PLBD2: variants seen among roughly 807,000 people sequenced by gnomAD.
PLBD2 encodes the protein phospholipase B domain containing 2, also known as putative aminopeptidase PLBD2.
PLBD2 carries 51 observed loss-of-function variants against 68.3 expected under a neutral mutation model. The observed-to-expected ratio is 0.75, with a 90% CI of 0.60 to 0.94. PLBD2 has a LOEUF of 0.94. Among genes scored for constraint, PLBD2 ranks in the 40% least tolerant of loss-of-function variants. PLBD2 has a pLI of 0.00. For missense variants in PLBD2, 729 were observed against 792.2 expected (o/e 0.92, Z 0.96); for synonymous variants, 314 against 339.3 (o/e 0.93, Z 0.82).
rs1290341457 is a variant in PLBD2 at position 113,390,643 on chromosome 12, T to A, written c.*2017T>A. 1 of 151,102 alleles carries A rather than the reference T, an allele frequency of 6.6e-6. No homozygotes were observed. The highest frequency in any genetic ancestry group is 1.5e-5 in the Non-Finnish European group (1 of 67,852). 9.4% of individuals were successfully genotyped at this position (151,102 alleles called of 1,614,324 possible). ...TTATCCACCCATCCAACTATTTCCA[T>A]CTGTTCATTTTCCACCCATTTACCC... is the stretch of plus-strand genomic sequence containing the variant. On this transcript the variant is annotated 3_prime_UTR_variant, in exon 12 of 12. Coordinates refer to ENST00000280800, the MANE Select transcript of PLBD2 (RefSeq NM_173542.4).
intron 1 of PLBD2, among the ~76,000 whole-genome samples, chr12:113,367,988 A>G (rs1957356423): frequency 6.6e-6 from 1 of 151,938 alleles, no homozygotes. Flanking sequence ...AGGCTGAGGC[A>G]GGAGAATCAC....
rs1450537512 is a variant in PLBD2 at position 113,384,791 on chromosome 12, G to A, written c.1119-60G>A. ...CTAGCTGAGTGGGACACTGCAGGGT[G>A]GGGAAAGCTGGGGAGGTGGCTCCAG... On this transcript the variant is annotated intron_variant, in intron 7 of 11. Coordinates refer to ENST00000280800, the MANE Select transcript of PLBD2 (RefSeq NM_173542.4). The surrounding 1 kb of genome is among the most constrained non-coding windows in gnomAD (Gnocchi z 4.2). 12 of 1,421,530 alleles carry A rather than the reference G, an allele frequency of 8.4e-6. No individual in the cohort carries two copies. The East Asian group carries it at 2.8e-4, about 33-fold the overall frequency. 88.1% of individuals were successfully genotyped at this position (1,421,530 alleles called of 1,614,324 possible). A position where few individuals can be genotyped will look rare whatever the true frequency, so the allele number is the denominator to read the frequency against.
intron 1 of PLBD2, among the ~76,000 whole-genome samples, chr12:113,364,930 A>G (rs1957329207): frequency 6.6e-6 from 1 of 152,166 alleles, no homozygotes; most frequent in Non-Finnish European, 1.5e-5. Context: ...ACAACCAGTA[A>G]GGGATCTACC....
intron 1 of PLBD2, among the ~76,000 whole-genome samples, chr12:113,366,029 C>T (rs1303613701): frequency 6.6e-6 from 1 of 152,174 alleles, no homozygotes; most frequent in Admixed American, 6.5e-5. Flanking sequence ...AGATGAACAT[C>T]ATTCATCCTT....
At chr12:113,378,202 G>C (rs1270026335) in intron 5 of PLBD2, among the ~76,000 whole-genome samples, 1 of 151,902 alleles carries the variant, frequency 6.6e-6, no homozygotes, top group African/African-American at 2.4e-5. Context: ...TGAGGCCCCA[G>C]AATTGCTTGA....
rs71467904 is a variant in PLBD2 at position 113,389,810 on chromosome 12, G to A, written c.*1184G>A. On this transcript the variant is annotated 3_prime_UTR_variant, in exon 12 of 12. Transcript: ENST00000280800. ...CAACCTCTGCTTCCTGGGTTCAAGC[G>A]ATTCTCCTGCCTTAGCTTCCCAAGT... 4,111 of 152,086 alleles carry A rather than the reference G, an allele frequency of 0.027. 87 individuals carry two copies. Among genetic ancestry groups the A allele is most frequent in the East Asian group, 0.088 (456 of 5,156 alleles). The allele number at this position is 152,086 out of a possible 1,614,324, so 9.4% of individuals were successfully genotyped here. A position where few individuals can be genotyped will look rare whatever the true frequency, so the allele number is the denominator to read the frequency against.
In PLBD2 at chr12:113,368,426, T is replaced by C. The variant is rs143753459; in HGVS notation, c.291-690T>C. On this transcript the variant is annotated intron_variant, in intron 1 of 11. Transcript: ENST00000280800. Reference sequence around the variant, plus strand: ...TGTGCTTGTGTGGCTCTCATATCCCTGGGACCAGTGGGCTGGCCGGGGCTT... The same window carrying C: ...TGTGCTTGTGTGGCTCTCATATCCCCGGGACCAGTGGGCTGGCCGGGGCTT... Among the ~76,000 whole-genome samples the C allele has an allele frequency of 1.0e-3, 154 of 152,308 alleles. 1 individual carries two copies. The highest frequency in any genetic ancestry group is 3.3e-3 in the African/African-American group (139 of 41,568).
At chr12:113,363,773 A>G (rs1373461756) in intron 1 of PLBD2, among the ~76,000 whole-genome samples, 2 of 151,970 alleles carry the variant, frequency 1.3e-5, no homozygotes, top group Non-Finnish European at 2.9e-5. Context: ...TCCTGACCTC[A>G]TGATCCACCC....
intron 5 of PLBD2, among the ~76,000 whole-genome samples, chr12:113,376,375 G>T (rs964228655): frequency 6.6e-6 from 1 of 151,772 alleles, no homozygotes; most frequent in Admixed American, 6.6e-5. Flanking sequence ...TGTTGGCCAG[G>T]CTGGTCTTGA....
rs7965471 is a variant in PLBD2, at chr12:113,358,761, A to T, written c.161A>T (p.Gln54Leu). 7.1e-7 allele frequency: 1 copy of T among 1,412,144 alleles called. No homozygotes were observed. 87.5% of individuals were successfully genotyped at this position (1,412,144 alleles called of 1,614,324 possible). A position where few individuals can be genotyped will look rare whatever the true frequency, so the allele number is the denominator to read the frequency against. Reference protein sequence around the residue: ...APGGRWARDGQVPPASRSRSV... With the variant: ...APGGRWARDGLVPPASRSRSV... ...GGGGGCCGCTGGGCGCGCGATGGGC[A>T]GGTCCCTCCAGCCTCCCGCAGCCGC... Residue 54 changes from glutamine (Q) to leucine (L), a missense_variant, in exon 1 of 12, where the codon CAG becomes CTG. By Grantham distance (113) the Gln-to-Leu change is moderately radical. Transcript: ENST00000280800.
At position 113,390,069 on chromosome 12, in the gene PLBD2, C is replaced by G. The variant is rs557942054; in HGVS notation, c.*1443C>G. 2 of 152,358 alleles carry G rather than the reference C, an allele frequency of 1.3e-5. No homozygotes were observed. Among genetic ancestry groups the G allele is most frequent in the South Asian group, 4.1e-4 (2 of 4,820 alleles). 9.4% of individuals were successfully genotyped at this position (152,358 alleles called of 1,614,324 possible). A position where few individuals can be genotyped will look rare whatever the true frequency, so the allele number is the denominator to read the frequency against. On this transcript the variant is annotated 3_prime_UTR_variant, in exon 12 of 12. Transcript: ENST00000280800. Reference sequence around the variant, plus strand: ...TTTACTCATCCAGCCATTGACTCATCCATCCACCTATGAGATCAGACAGGG... The same window carrying G: ...TTTACTCATCCAGCCATTGACTCATGCATCCACCTATGAGATCAGACAGGG...
intron 4 of PLBD2, 62 bp from the exon 5 acceptor site, chr12:113,374,731 A>G (rs1424823707): frequency 2.3e-5 from 36 of 1,574,766 alleles, no homozygotes; most frequent in Admixed American, 2.2e-4. Context: ...CCTCTGCAAA[A>G]TGAGTACATA....
At chr12:113,363,239 A>G (rs1215701160) in intron 1 of PLBD2, among the ~76,000 whole-genome samples, 2 of 151,956 alleles carry the variant, frequency 1.3e-5, no homozygotes, top group Non-Finnish European at 2.9e-5. Flanking sequence ...GTTTGAGACC[A>G]GCCTGGGCAA....
At chr12:113,375,999 G>T (rs757885950) in intron 5 of PLBD2, among the ~76,000 whole-genome samples, 1 of 151,480 alleles carries the variant, frequency 6.6e-6, no homozygotes, top group Non-Finnish European at 1.5e-5. Context: ...GACTACAGGC[G>T]TGCATCACCA....
chr12:113,378,170 T>C lies in PLBD2; in HGVS notation c.860-2575T>C, dbSNP rs573898125. Among the ~76,000 whole-genome samples, 13 of 152,176 alleles carry C rather than the reference T, an allele frequency of 8.5e-5. No homozygotes were observed. In the East Asian group the frequency reaches 2.5e-3, roughly 29 times the overall value. On this transcript the variant is annotated intron_variant, in intron 5 of 11. Coordinates refer to ENST00000280800, the MANE Select transcript of PLBD2 (RefSeq NM_173542.4). ...AGCTGGGCGTGGTGGCGCACACCTGTAATCCCAGCTACTCGGGAGGCTGAG... is the reference window on the plus strand; with the variant it reads ...AGCTGGGCGTGGTGGCGCACACCTGCAATCCCAGCTACTCGGGAGGCTGAG...
chr12:113,359,731 C>T (rs1342376523), intron 1 of PLBD2, among the ~76,000 whole-genome samples: 3 of 152,210 alleles, frequency 2.0e-5, no homozygotes, highest in African/African-American at 7.2e-5. Flanking sequence ...TTATTCATTA[C>T]CCTGATGGTT....
At chr12:113,373,568 CCATCCATCCATCCATG>C (rs1268438421) in intron 3 of PLBD2, among the ~76,000 whole-genome samples, 2 of 152,060 alleles carry the variant, frequency 1.3e-5, no homozygotes, top group Admixed American at 6.6e-5. Flanking sequence ...ATCCATCCAC[CCATCCATCCATCCATG>C]CATCCATCCA....
At chr12:113,385,976 C>A (rs1957547720) in intron 9 of PLBD2, among the ~76,000 whole-genome samples, 1 of 152,154 alleles carries the variant, frequency 6.6e-6, no homozygotes, top group Non-Finnish European at 1.5e-5. Context: ...ATCTCAAACT[C>A]CTGACCTCAA....
At chr12:113,364,999 C>A (rs935882588) in intron 1 of PLBD2, among the ~76,000 whole-genome samples, 3 of 152,174 alleles carry the variant, frequency 2.0e-5, no homozygotes, top group African/African-American at 7.2e-5. Context: ...CTTCCATTCT[C>A]CTTGAAATTT....
Sources: gnomAD v4.1 joint callset for allele counts (sites outside exome capture counted in the v4.1 genomes callset) on GRCh38, gnomAD v4.1.1 for gene constraint, Gnocchi (gnomAD v3.1) non-coding constraint, MANE v1.5 for transcripts, NCBI Gene and HGNC (gene_info 2026-07-23, HGNC 2026-07-21) for gene names.